Variants in ABL2 observed in about 807,000 individuals in gnomAD.
ABL2 encodes the protein ABL proto-oncogene 2, non-receptor tyrosine kinase.
A neutral mutation model predicts 107.7 loss-of-function variants in ABL2; 49 were observed. The ratio of observed to expected loss-of-function variants is 0.45; its 90% CI spans 0.36 to 0.58. The LOEUF (loss-of-function observed/expected upper bound fraction) is 0.58, where lower values mean the gene tolerates loss of function less well. Ranked by LOEUF, ABL2 falls within the 20% of genes least tolerant of loss-of-function variation. ABL2 has a pLI of 0.00. For missense variants in ABL2, 1,245 were observed against 1,457.0 expected, an observed-to-expected ratio of 0.85 and a Z score of 2.37; for synonymous variants, 549 against 548.6, an observed-to-expected ratio of 1.00 and a Z score of -0.01.
At chr1:179,170,880 C>T (rs889877267) in intron 1 of ABL2, among the ~76,000 whole-genome samples, 3 of 152,002 alleles carry the variant, frequency 2.0e-5, no homozygotes, top group Admixed American at 1.3e-4. Flanking sequence ...CAGGCAGGAG[C>T]CACTGCGCTC....
At chr1:179,229,167 T>TGCCCCCCCCCCCCCCCCCCCCCCCCCCCC in intron 1 of ABL2, 74 bp downstream of exon 1, 11 of 402,570 alleles carry the variant, frequency 2.7e-5, no homozygotes, top group Non-Finnish European at 3.7e-5. Context: ...GGGCAGCCCG[T>TGCCCCCCCCCCCCCCCCCCCCCCCCCCCC]CCGCCACCCA....
chr1:179,143,628 G>A (rs1412507950), intron 1 of ABL2, among the ~76,000 whole-genome samples: 5 of 152,190 alleles, frequency 3.3e-5, no homozygotes, highest in South Asian at 2.1e-4. Context: ...CTTAATAAAG[G>A]TTAAAAACAT....
chr1:179,128,562 C>G (rs1173184390), intron 3 of ABL2, among the ~76,000 whole-genome samples: 1 of 151,886 alleles, frequency 6.6e-6, no homozygotes, highest in Non-Finnish European at 1.5e-5. Context: ...GTTTGTTGTT[C>G]TTTTTTTGTC....
chr1:179,106,631 C>T lies in ABL2; in HGVS notation c.*1087G>A. ...AAGGTGGTAAGGGAAGGGAAAGGTA[C>T]AGAGAAACAGCCATTAGGACCAAGC... On this transcript the variant is annotated 3_prime_UTR_variant, in exon 12 of 12. Transcript: ENST00000502732. 4.3e-6 allele frequency: 1 copy of T among 232,280 alleles called. No homozygotes were observed. The highest frequency in any genetic ancestry group is 8.5e-6 in the Non-Finnish European group (1 of 117,498). 14.4% of individuals were successfully genotyped at this position (232,280 alleles called of 1,614,324 possible). A position where few individuals can be genotyped will look rare whatever the true frequency, so the allele number is the denominator to read the frequency against.
chr1:179,225,734 C>T (rs1663158189), intron 1 of ABL2, among the ~76,000 whole-genome samples: 1 of 152,056 alleles, frequency 6.6e-6, no homozygotes, highest in African/African-American at 2.4e-5. Flanking sequence ...AATATCAATG[C>T]CGCCGAGGTT....
chr1:179,175,292 T>G (rs772717801), intron 1 of ABL2, among the ~76,000 whole-genome samples: 1 of 152,184 alleles, frequency 6.6e-6, no homozygotes, highest in Non-Finnish European at 1.5e-5. Context: ...AGCAATAGGA[T>G]GTCAATGCCA....
Position 179,110,406 on chromosome 1 carries a change from T to C in ABL2, c.1701A>G (p.Pro567=), listed in dbSNP as rs2102584974. The C allele has an allele frequency of 1.2e-6, 2 of 1,614,116 alleles. No individual in the cohort carries two copies. Among genetic ancestry groups the C allele is most frequent in the East Asian group, 2.2e-5 (1 of 44,876 alleles). Residue 567 remains proline, a synonymous_variant, in exon 11 of 12, where the codon CCA becomes CCG. Coordinates refer to ENST00000502732, the MANE Select transcript of ABL2 (RefSeq NM_007314.4). ...GRAASSSSVV[P]YLPRLPILPS... is the part of the protein sequence containing the mutation. ...GAAGTATAGGTAGCCGGGGCAGGTA[T>C]GGAACAACAGATGACGAGGAGGCGG...
At chr1:179,151,078 G>A (rs534347737) in intron 1 of ABL2, among the ~76,000 whole-genome samples, 1 of 151,966 alleles carries the variant, frequency 6.6e-6, no homozygotes, top group Non-Finnish European at 1.5e-5. Context: ...GCATGAACAC[G>A]ACTTTTATAT....
intron 1 of ABL2, among the ~76,000 whole-genome samples, chr1:179,212,949 G>C (rs946192665): frequency 5.3e-5 from 8 of 151,332 alleles, no homozygotes; most frequent in Admixed American, 2.0e-4. Context: ...GGGAGGCTGA[G>C]GCAGGAGAAT....
At chr1:179,222,081 A>T in intron 1 of ABL2, 1 of 188,938 alleles carries the variant, frequency 5.3e-6, no homozygotes. Context: ...CAAGGAGATG[A>T]TCACTTTTTA....
rs1002190480 is a variant in ABL2 at position 179,102,334 on chromosome 1, T to C, written c.*5384A>G. ...CCAGAATTTCTTTAAGTCTAGTAGT[T>C]GGAAAACCAGAACTCTATCCAAATG... On this transcript the variant is annotated 3_prime_UTR_variant, in exon 12 of 12. Coordinates refer to ENST00000502732, the MANE Select transcript of ABL2 (RefSeq NM_007314.4). The C allele has an allele frequency of 5.1e-6, 1 of 196,714 alleles. No homozygotes were observed. The highest frequency in any genetic ancestry group is 1.1e-5 in the Non-Finnish European group (1 of 94,822). The allele number at this position is 196,714 out of a possible 1,614,324, so 12.2% of individuals were successfully genotyped here.
intron 1 of ABL2, among the ~76,000 whole-genome samples, chr1:179,216,579 A>G (rs1265757060): frequency 1.3e-5 from 2 of 152,256 alleles, no homozygotes; most frequent in Non-Finnish European, 2.9e-5. Flanking sequence ...GAATAAATGA[A>G]TAAAAAAATA....
Position 179,229,361 on chromosome 1 carries a change from C to A in ABL2, c.37G>T (p.Gly13Trp), listed in dbSNP as rs758479290. The A allele has an allele frequency of 3.4e-5, 54 of 1,574,428 alleles. No homozygotes were observed. The highest frequency in any genetic ancestry group is 4.5e-5 in the Non-Finnish European group (53 of 1,165,204). The change falls in exon 1 of 12, where the codon GGG becomes TGG. Residue 13 changes from glycine (G) to tryptophan (W), a missense_variant. By Grantham distance (184) the Gly-to-Trp change is radical. Transcript: ENST00000502732. ...QQVGRVGEAP[G>W]LQQPQPRGIR... is the part of the protein sequence containing the mutation. ...CCGCGGGGCTGAGGCTGCTGGAGCC[C>A]CGGAGCTTCCCCGACGCGGCCCACC...
rs1653150940 is a variant in ABL2 at position 179,102,121 on chromosome 1, C to T, written c.*5597G>A. ...CCGCCTCCTGGGTTCACGCCATTCT[C>T]CTGCCTCAGCCTCCCCAGTAGCTGG... On this transcript the variant is annotated 3_prime_UTR_variant, in exon 12 of 12. Transcript: ENST00000502732. 1 of 160,196 alleles carries T rather than the reference C, an allele frequency of 6.2e-6. No individual in the cohort carries two copies. The highest frequency in any genetic ancestry group is 1.4e-5 in the Non-Finnish European group (1 of 74,018). The allele number at this position is 160,196 out of a possible 1,614,324, so 9.9% of individuals were successfully genotyped here.
intron 1 of ABL2, among the ~76,000 whole-genome samples, chr1:179,156,927 AAATAAAACT>A (rs1557962091): frequency 5.3e-5 from 7 of 132,218 alleles, no homozygotes; most frequent in African/African-American, 1.2e-4. Flanking sequence ...ATAAATAAAT[AAATAAAACT>A]CTATTAAATT....
chr1:179,221,181 T>C (rs1049813493), intron 1 of ABL2: 4 of 232,344 alleles, frequency 1.7e-5, no homozygotes, highest in East Asian at 9.3e-5. Context: ...ACATTTTTCT[T>C]AGTAGGCCAA....
intron 1 of ABL2, among the ~76,000 whole-genome samples, chr1:179,189,119 G>A (rs1238042463): frequency 1.3e-5 from 2 of 151,972 alleles, no homozygotes; most frequent in African/African-American, 2.4e-5. Flanking sequence ...TGTTGTTCTC[G>A]GGTGTTTTTT....
intron 1 of ABL2, among the ~76,000 whole-genome samples, chr1:179,210,644 G>T (rs1030891705): frequency 4.0e-5 from 6 of 150,682 alleles, no homozygotes; most frequent in Non-Finnish European, 8.9e-5. Context: ...CGAGGTCAGA[G>T]ATCGAGACCA....
At chr1:179,154,884 T>C (rs1211230505) in intron 1 of ABL2, among the ~76,000 whole-genome samples, 2 of 152,232 alleles carry the variant, frequency 1.3e-5, no homozygotes, top group Non-Finnish European at 2.9e-5. Context: ...TTTGACAGTA[T>C]GATCACGGAT....
Sources: gnomAD v4.1 joint callset for allele counts (sites outside exome capture counted in the v4.1 genomes callset) on GRCh38, gnomAD v4.1.1 for gene constraint, MANE v1.5 for transcripts, NCBI Gene and HGNC (gene_info 2026-07-23, HGNC 2026-07-21) for gene names.